DNAH6: variants seen among roughly 807,000 people sequenced by gnomAD.
DNAH6 encodes the protein dynein axonemal heavy chain 6.
In DNAH6, 340 loss-of-function variants were observed where a neutral mutation model predicts 491.4. That is an observed-to-expected ratio of 0.69 (90% CI 0.63 to 0.76). The LOEUF (loss-of-function observed/expected upper bound fraction) is 0.76. Among genes scored for constraint, DNAH6 ranks in the 30% least tolerant of loss-of-function variants. The probability of loss-of-function intolerance (pLI) is 0.00; values close to 1 mark genes in which losing one functional copy is unlikely to be tolerated. For missense variants in DNAH6, 4,443 were observed against 4,972.2 expected (o/e 0.89, Z 3.20); for synonymous variants, 1,603 against 1,686.1 (o/e 0.95, Z 1.21).
intron 45 of DNAH6, among the ~76,000 whole-genome samples, chr2:84,693,430 T>C (rs543460861): frequency 6.6e-6 from 1 of 152,216 alleles, no homozygotes; most frequent in African/African-American, 2.4e-5. Flanking sequence ...CTCTCTAGTA[T>C]CATCATTGTA....
At chr2:84,586,729 G>C (rs1166035207) in intron 15 of DNAH6, among the ~76,000 whole-genome samples, 1 of 152,182 alleles carries the variant, frequency 6.6e-6, no homozygotes, top group Non-Finnish European at 1.5e-5. Context: ...ACAGGGTTAA[G>C]TAACTTGCCA....
intron 11 of DNAH6, among the ~76,000 whole-genome samples, chr2:84,558,591 A>G (rs1312677756): frequency 2.0e-5 from 3 of 152,190 alleles, no homozygotes; most frequent in Admixed American, 1.3e-4. Flanking sequence ...TTCTTTTACT[A>G]AAGTCATTTT....
chr2:84,516,551 G>T lies in DNAH6; in HGVS notation c.-41G>T, dbSNP rs1396523180. The T allele has an allele frequency of 6.6e-6, 1 of 152,234 alleles. No individual in the cohort carries two copies. The highest frequency in any genetic ancestry group is 2.4e-5 in the African/African-American group (1 of 41,432). The allele number at this position is 152,234 out of a possible 1,614,324, so 9.4% of individuals were successfully genotyped here. A position where few individuals can be genotyped will look rare whatever the true frequency, so the allele number is the denominator to read the frequency against. On this transcript the variant is annotated 5_prime_UTR_variant, in exon 1 of 77. Coordinates refer to ENST00000389394, the MANE Select transcript of DNAH6 (RefSeq NM_001370.2). ...CCGACCAGGCATTGCTCTCTCTGGA[G>T]ACCCTCGGCGGTGGTTGCTGTATTT...
At position 84,624,504 on chromosome 2, in the gene DNAH6, C is replaced by T. The variant is rs1453688207; in HGVS notation, c.4237C>T (p.Arg1413Cys). Residue 1413 changes from arginine (R) to cysteine (C), a missense_variant, in exon 28 of 77, where the codon CGC (arginine) becomes TGC (cysteine). Transcript: ENST00000389394. ...ATCTTTTGACTGGCAGAGACAACTGCGCTATTACTGGGATATAGACCTGGA... is the reference window on the plus strand; with the variant it reads ...ATCTTTTGACTGGCAGAGACAACTGTGCTATTACTGGGATATAGACCTGGA... ...VESFDWQRQL[R>C]YYWDIDLDNC... The T allele has an allele frequency of 5.2e-6, 8 of 1,551,850 alleles. No homozygotes were observed. The highest frequency in any genetic ancestry group is 4.8e-5 in the South Asian group (4 of 84,062).
Position 84,593,386 on chromosome 2 carries a change from G to T in DNAH6, c.2611-586G>T, listed in dbSNP as rs935174975. Among the ~76,000 whole-genome samples the T allele has an allele frequency of 2.0e-5, 3 of 152,278 alleles. No individual in the cohort carries two copies. The Middle Eastern group carries it at 0.01, about 518-fold the overall frequency. On this transcript the variant is annotated intron_variant, in intron 16 of 76. Transcript: ENST00000389394. Reference sequence around the variant, plus strand: ...TTTCTGTGCAACCAACTCCCTGAAGGTTTCCCCAGCGTTGAACCAAGGCAA... The same window carrying T: ...TTTCTGTGCAACCAACTCCCTGAAGTTTTCCCCAGCGTTGAACCAAGGCAA...
At chr2:84,750,474 C>T (rs1673364335) in intron 63 of DNAH6, among the ~76,000 whole-genome samples, 1 of 152,044 alleles carries the variant, frequency 6.6e-6, no homozygotes, top group Non-Finnish European at 1.5e-5. Context: ...TGTGAGCCAC[C>T]ATGCCTGGCC....
At chr2:84,590,382 C>T (rs1273009866) in intron 16 of DNAH6, among the ~76,000 whole-genome samples, 1 of 150,404 alleles carries the variant, frequency 6.6e-6, no homozygotes, top group Non-Finnish European at 1.5e-5. Flanking sequence ...GTAATCCCAG[C>T]TACTTGGGAG....
At chr2:84,708,306 G>A (rs965192882) in intron 54 of DNAH6, among the ~76,000 whole-genome samples, 8 of 151,708 alleles carry the variant, frequency 5.3e-5, no homozygotes, top group Non-Finnish European at 1.0e-4. Flanking sequence ...TTAGCTGGGC[G>A]TAGGGGCAGG....
Position 84,715,560 on chromosome 2 carries a change from G to C in DNAH6, c.9544G>C (p.Val3182Leu). 2 of 1,551,126 alleles carry C rather than the reference G, an allele frequency of 1.3e-6. No homozygotes were observed. The highest frequency in any genetic ancestry group is 8.7e-7 in the Non-Finnish European group (1 of 1,146,728). The change falls in exon 58 of 77, where the codon GTA (valine) becomes CTA (leucine). Residue 3182 changes from valine (V) to leucine (L), a missense_variant and splice_region_variant. Around this residue, in one of 3 missense-constraint regions of DNAH6, gnomAD observed 1,463 missense variants for 1,656.6 expected, o/e 0.88. Coordinates refer to ENST00000389394, the MANE Select transcript of DNAH6 (RefSeq NM_001370.2). ...KMPNPHYLPE[V>L]CIKVTIINFT... ...TATGCACTCTGTGCTTCTCTTCCAG[G>C]TATGCATTAAAGTTACCATTATCAA... is the stretch of plus-strand genomic sequence containing the variant.
At chr2:84,559,266 C>A (rs1186421769) in intron 11 of DNAH6, among the ~76,000 whole-genome samples, 1 of 152,034 alleles carries the variant, frequency 6.6e-6, no homozygotes, top group Non-Finnish European at 1.5e-5. Flanking sequence ...CCTAAAAGTG[C>A]AAGCTACTCA....
At chr2:84,567,155 AG>A (rs1681285098) in intron 11 of DNAH6, among the ~76,000 whole-genome samples, 1 of 152,172 alleles carries the variant, frequency 6.6e-6, no homozygotes, top group South Asian at 2.1e-4. Flanking sequence ...TTGTAAACAA[AG>A]TAAAAATACA....
chr2:84,590,814 C>T (rs555106540), intron 16 of DNAH6, among the ~76,000 whole-genome samples: 1 of 152,280 alleles, frequency 6.6e-6, no homozygotes, highest in Admixed American at 6.5e-5. Flanking sequence ...TCAGCTTCTC[C>T]CTGGCGAAGG....
intron 21 of DNAH6, among the ~76,000 whole-genome samples, chr2:84,610,002 G>A (rs1041735825): frequency 6.6e-6 from 1 of 152,058 alleles, no homozygotes; most frequent in African/African-American, 2.4e-5. Flanking sequence ...TGGTTTAACT[G>A]AGGCCTCTTG....
intron 8 of DNAH6, among the ~76,000 whole-genome samples, chr2:84,549,122 C>G (rs886612360): frequency 6.6e-6 from 1 of 152,198 alleles, no homozygotes; most frequent in African/African-American, 2.4e-5. Context: ...GGATCTTGAC[C>G]TTGACTGTTC....
intron 75 of DNAH6, 73 bp downstream of exon 75, chr2:84,814,195 A>C: frequency 6.9e-7 from 1 of 1,452,430 alleles, no homozygotes; most frequent in Non-Finnish European, 9.3e-7. Flanking sequence ...ACAACCTTCC[A>C]TGCCCCACTC....
chr2:84,619,296 A>G (rs1687171927), intron 23 of DNAH6, among the ~76,000 whole-genome samples: 1 of 152,188 alleles, frequency 6.6e-6, no homozygotes, highest in South Asian at 2.1e-4. Context: ...CAAATAATGT[A>G]TTGAATACCA....
chr2:84,645,058 A>G (rs186228424), intron 33 of DNAH6, among the ~76,000 whole-genome samples: 1 of 152,330 alleles, frequency 6.6e-6, no homozygotes. Flanking sequence ...ACTCCCACCA[A>G]CAGTGTAAAA....
chr2:84,575,166 A>G (rs373089674), intron 12 of DNAH6, among the ~76,000 whole-genome samples: 44 of 152,160 alleles, frequency 2.9e-4, no homozygotes, highest in African/African-American at 1.0e-3. Context: ...TTGCCCTTGG[A>G]TATCAACCTT....
chr2:84,631,431 T>G (rs1438800106), intron 29 of DNAH6, among the ~76,000 whole-genome samples: 1 of 152,138 alleles, frequency 6.6e-6, no homozygotes. Flanking sequence ...CCTCAAAATA[T>G]GTTCAAGTCC....
Sources: gnomAD v4.1 joint callset for allele counts (sites outside exome capture counted in the v4.1 genomes callset) on GRCh38, gnomAD v4.1.1 for gene constraint, gnomAD v4.1.1 regional missense constraint, MANE v1.5 for transcripts, NCBI Gene and HGNC (gene_info 2026-07-23, HGNC 2026-07-21) for gene names.